Variants in CYRIB observed in about 807,000 individuals in gnomAD.
CYRIB encodes the protein CYFIP-related Rac1 interactor B.
Under a neutral mutation model 44.2 loss-of-function variants are expected in CYRIB, and 8 were observed. The ratio of observed to expected loss-of-function variants is 0.18; its 90% CI spans 0.11 to 0.33. The LOEUF is 0.33. Ranked by LOEUF, CYRIB falls within the 10% of genes least tolerant of loss-of-function variation. The probability of loss-of-function intolerance (pLI) is 1.00; values close to 1 mark genes in which losing one functional copy is unlikely to be tolerated. For missense variants in CYRIB, 185 were observed against 382.8 expected, an observed-to-expected ratio of 0.48 and a Z score of 4.31; for synonymous variants, 131 against 127.2, an observed-to-expected ratio of 1.03 and a Z score of -0.20.
chr8:129,871,031 A>T (rs192035809), intron 4 of CYRIB, among the ~76,000 whole-genome samples: 1 of 152,184 alleles, frequency 6.6e-6, no homozygotes, highest in African/African-American at 2.4e-5. Flanking sequence ...CACACTACAT[A>T]TTTTCTTTGT....
At chr8:129,860,018 T>C (rs766083727) in intron 5 of CYRIB, among the ~76,000 whole-genome samples, 2 of 152,182 alleles carry the variant, frequency 1.3e-5, no homozygotes, top group African/African-American at 2.4e-5. Flanking sequence ...TGGCAAGGGA[T>C]CAGGGTCCTT....
chr8:130,008,466 C>G (rs2097153230), intron 1 of CYRIB: 1 of 154,176 alleles, frequency 6.5e-6, no homozygotes, highest in South Asian at 2.0e-4. Context: ...ACCCAAACTC[C>G]TTCATTCTCC....
intron 2 of CYRIB, among the ~76,000 whole-genome samples, chr8:129,966,750 C>G (rs757609068): frequency 4.9e-4 from 74 of 152,182 alleles, no homozygotes; most frequent in Admixed American, 9.2e-4. Context: ...ATGGCCCAGG[C>G]TGGAGTGCAG....
intron 4 of CYRIB, 105 bp from the exon 7 acceptor site, chr8:129,862,439 C>A: frequency 1.2e-6 from 1 of 853,104 alleles, no homozygotes; most frequent in Non-Finnish European, 1.9e-6. Flanking sequence ...CTGGTATAAT[C>A]CATAAAATAT....
intron 2 of CYRIB, among the ~76,000 whole-genome samples, chr8:129,899,591 T>A (rs1016434367): frequency 2.2e-4 from 33 of 152,164 alleles, no homozygotes; most frequent in African/African-American, 6.0e-4. Flanking sequence ...ACTGTCAACC[T>A]ACATAACAGA....
At chr8:129,877,810 A>G (rs866317649) in intron 3 of CYRIB, among the ~76,000 whole-genome samples, 1 of 152,148 alleles carries the variant, frequency 6.6e-6, no homozygotes, top group African/African-American at 2.4e-5. Flanking sequence ...CTAGGTTTAC[A>G]AAAAGATCAA....
At chr8:129,921,941 T>C (rs1217837731) in intron 1 of CYRIB, among the ~76,000 whole-genome samples, 1 of 152,184 alleles carries the variant, frequency 6.6e-6, no homozygotes, top group East Asian at 1.9e-4. Context: ...GAGAAGGCAA[T>C]GATGGATACA....
intron 1 of CYRIB, among the ~76,000 whole-genome samples, chr8:129,934,851 G>T (rs911023703): frequency 6.6e-6 from 1 of 152,136 alleles, no homozygotes; most frequent in African/African-American, 2.4e-5. Context: ...TTTACTGAGG[G>T]TCTGGAGGAG....
chr8:129,938,934 T>C (rs943978318), intron 1 of CYRIB, among the ~76,000 whole-genome samples: 4 of 152,076 alleles, frequency 2.6e-5, no homozygotes, highest in Admixed American at 6.6e-5. Context: ...GTAATTATAG[T>C]AGAAATTGCG....
In CYRIB at chr8:130,011,483, T is replaced by G. The variant is rs1392133718; in HGVS notation, c.-296+4887A>C. On this transcript the variant is annotated intron_variant, in intron 1 of 14. Transcript: ENST00000401979. ...TTGCGGTGAGCTGAGATCATGCCAT[T>G]GCACTCTAACCTGGGCAACAAAGCA... Among the ~76,000 whole-genome samples the G allele has an allele frequency of 2.7e-5, 4 of 150,766 alleles. No individual in the cohort carries two copies. In the East Asian group the frequency reaches 7.8e-4, roughly 29 times the overall value.
At chr8:129,992,929 A>G (rs1056005176) in intron 1 of CYRIB, among the ~76,000 whole-genome samples, 1 of 152,196 alleles carries the variant, frequency 6.6e-6, no homozygotes, top group Non-Finnish European at 1.5e-5. Context: ...AAAGGAATAC[A>G]CGGCAAGAAG....
exon 12 of CYRIB, chr8:129,840,609 T>C (rs1344617850): frequency 1.3e-5 from 2 of 152,186 alleles, no homozygotes; most frequent in Admixed American, 6.5e-5. Context: ...AAGGAGGTAA[T>C]AGAAGCTAAC....
At chr8:129,939,178 C>T (rs766414186) in intron 1 of CYRIB, among the ~76,000 whole-genome samples, 1 of 148,564 alleles carries the variant, frequency 6.7e-6, no homozygotes, top group Non-Finnish European at 1.5e-5. Context: ...GAGCTGGGGA[C>T]GGGAACAGGG....
At chr8:129,852,358 G>C in intron 7 of CYRIB, 80 bp from the exon 10 acceptor site, 1 of 762,558 alleles carries the variant, frequency 1.3e-6, no homozygotes, top group Admixed American at 3.1e-5. Context: ...CCCAGGCAGG[G>C]TGCCTGCCTC....
intron 10 of CYRIB, among the ~76,000 whole-genome samples, chr8:129,848,735 ATTT>A (rs1191521309): frequency 7.1e-6 from 1 of 141,310 alleles, no homozygotes. Context: ...CACCTGGCTA[ATTT>A]TTTTTTTTTT....
At position 129,915,085 on chromosome 8, in the gene CYRIB, C is replaced by T. The variant is rs550433443; in HGVS notation, c.-49-11735G>A. 2.6e-4 allele frequency among the ~76,000 whole-genome samples: 39 copies of T among 152,326 alleles called. No homozygotes were observed. In the South Asian group the frequency reaches 5.4e-3, roughly 21 times the overall value. On this transcript the variant is annotated intron_variant, in intron 1 of 11. Coordinates refer to ENST00000519824, the Ensembl canonical transcript of CYRIB. ...GAATTCCTATACACTTGTGCAAAGC[C>T]ACTTTAAAAAGTTAAATATACACCT...
intron 2 of CYRIB, among the ~76,000 whole-genome samples, chr8:129,951,252 C>T (rs1027343853): frequency 3.3e-5 from 5 of 152,052 alleles, no homozygotes; most frequent in Admixed American, 6.6e-5. Flanking sequence ...TGCAGTGAGC[C>T]GAGACTGTGC....
Position 129,975,758 on chromosome 8 carries a change from T to C in CYRIB, c.-295-4763A>G, listed in dbSNP as rs140878713. 1.1e-3 allele frequency among the ~76,000 whole-genome samples: 169 copies of C among 152,356 alleles called. 7 individuals are homozygous for C. The East Asian group carries it at 0.029, about 26-fold the overall frequency. ...GCATAGCATGCTCTACTGCAGAAGTTTGCAGCAGTTGCTTATTGCTGTATT... is the reference window on the plus strand; with the variant it reads ...GCATAGCATGCTCTACTGCAGAAGTCTGCAGCAGTTGCTTATTGCTGTATT... On this transcript the variant is annotated intron_variant, in intron 1 of 14. Coordinates refer to the CYRIB transcript ENST00000401979.
chr8:129,901,997 C>T (rs2072375062), intron 2 of CYRIB, among the ~76,000 whole-genome samples: 2 of 152,116 alleles, frequency 1.3e-5, no homozygotes, highest in South Asian at 4.1e-4. Flanking sequence ...ATGTAGTTTA[C>T]TTCATACAAT....
Sources: gnomAD v4.1 joint callset for allele counts (sites outside exome capture counted in the v4.1 genomes callset) on GRCh38, gnomAD v4.1.1 for gene constraint, MANE v1.5 for transcripts, NCBI Gene and HGNC (gene_info 2026-07-23, HGNC 2026-07-21) for gene names.